The following GPX4 variants were observed in gnomAD, a reference collection of about 807,000 sequenced individuals.
GPX4 encodes phospholipid hydroperoxide glutathione peroxidase GPX4.
Under a neutral mutation model 27.8 loss-of-function variants are expected in GPX4, and 28 were observed. The ratio of observed to expected loss-of-function variants is 1.01; its 90% CI spans 0.75 to 1.38. The LOEUF is 1.38. GPX4 is among the 40% of genes most tolerant of loss of function. The pLI is 0.00. For missense variants in GPX4, 357 were observed against 274.1 expected, an observed-to-expected ratio of 1.30 and a Z score of -2.14; for synonymous variants, 163 against 107.8, an observed-to-expected ratio of 1.51 and a Z score of -3.17.
chr19:1,106,432 G>C lies in GPX4; in HGVS notation c.534G>C (p.Lys178Asn), dbSNP rs1382186292. 6.2e-7 allele frequency: 1 copy of C among 1,613,502 alleles called. No individual in the cohort carries two copies. Among genetic ancestry groups the C allele is most frequent in the Non-Finnish European group, 8.5e-7 (1 of 1,179,948 alleles). The change falls in exon 6 of 7, where the codon AAG becomes AAC. Residue 178 changes from lysine to asparagine, a missense_variant. Coordinates refer to ENST00000354171, the MANE Select transcript of GPX4 (RefSeq NM_002085.5). ...TCGACAAGAACGGCTGCGTGGTGAA[G>C]CGCTACGGACCCATGGAGGAGCCCC... Reference protein sequence around the residue: ...FLIDKNGCVVKRYGPMEEPLV... With the variant: ...FLIDKNGCVVNRYGPMEEPLV...
Position 1,106,284 on chromosome 19 carries a change from G to A in GPX4, c.501+18G>A. Reference sequence around the variant, plus strand: ...TCACCAAGGTAAGGGGGCTGTGGGGGGTAGGGGACCAGCTTCCCCTGGCCA... The same window carrying A: ...TCACCAAGGTAAGGGGGCTGTGGGGAGTAGGGGACCAGCTTCCCCTGGCCA... On this transcript the variant is annotated intron_variant, in intron 5 of 6. Coordinates refer to ENST00000354171, the MANE Select transcript of GPX4 (RefSeq NM_002085.5). 1.9e-6 allele frequency: 3 copies of A among 1,604,840 alleles called. No individual in the cohort carries two copies. Among genetic ancestry groups the A allele is most frequent in the Non-Finnish European group, 1.7e-6 (2 of 1,173,022 alleles).
chr19:1,104,926 C>T lies in GPX4; in HGVS notation c.85-260C>T, dbSNP rs758436183. 19 of 1,451,898 alleles carry T rather than the reference C, an allele frequency of 1.3e-5. No individual in the cohort carries two copies. In the African/African-American group the frequency reaches 2.1e-4, roughly 16 times the overall value. The allele number at this position is 1,451,898 out of a possible 1,614,324, so 89.9% of individuals were successfully genotyped here. On this transcript the variant is annotated intron_variant, in intron 1 of 6. Transcript: ENST00000354171. Reference sequence around the variant, plus strand: ...TCCACGAATGTCCCAAGTCCCAGGACCCGGTGCGCGCGGGGCCCCCACACC... The same window carrying T: ...TCCACGAATGTCCCAAGTCCCAGGATCCGGTGCGCGCGGGGCCCCCACACC...
intron 5 of GPX4, 66 bp downstream of exon 5, chr19:1,106,332 C>T (rs780647717): frequency 2.8e-5 from 45 of 1,607,306 alleles, no homozygotes; most frequent in Middle Eastern, 1.6e-4. Context: ...AGATGGGCAG[C>T]GGACAGGAAG....
At chr19:1,106,165 G>A in intron 4 of GPX4, 77 bp from the exon 5 acceptor site, 1 of 1,375,518 alleles carries the variant, frequency 7.3e-7, no homozygotes, top group Non-Finnish European at 1.0e-6. Context: ...ACACCCTTGT[G>A]GCCTCCTGGA....
chr19:1,106,231 T>G lies in GPX4; in HGVS notation c.477-11T>G. The G allele has an allele frequency of 1.2e-6, 2 of 1,604,590 alleles. No individual in the cohort carries two copies. The highest frequency in any genetic ancestry group is 1.7e-6 in the Non-Finnish European group (2 of 1,174,806). On this transcript the variant is annotated splice_polypyrimidine_tract_variant and intron_variant, in intron 4 of 6. Transcript: ENST00000354171. The stretch of plus-strand genomic sequence containing the variant: ...GCTGGGGACGCTCACGTCCATGTGC[T>G]TCTTTTCCAGTGCCATCAAGTGGAA...
At chr19:1,105,116 C>T in intron 1 of GPX4, 70 bp from the exon 2 acceptor site, 1 of 1,573,888 alleles carries the variant, frequency 6.4e-7, no homozygotes, top group Non-Finnish European at 8.7e-7. Flanking sequence ...GCTCCCGATC[C>T]CTTCCTGCCT....
chr19:1,104,093 G>A lies in GPX4; in HGVS notation c.50G>A (p.Gly17Glu), dbSNP rs1428113746. The A allele has an allele frequency of 1.3e-6, 2 of 1,512,334 alleles. No homozygotes were observed. Among genetic ancestry groups the A allele is most frequent in the East Asian group, 2.7e-5 (1 of 37,482 alleles). The allele number at this position is 1,512,334 out of a possible 1,614,324, so 93.7% of individuals were successfully genotyped here. Reference sequence around the variant, plus strand: ...CTACTGAAGCCGGCGCTGCTCTGTGGGGCTCTGGCCGCGCCTGGCCTGGCC... The same window carrying A: ...CTACTGAAGCCGGCGCTGCTCTGTGAGGCTCTGGCCGCGCCTGGCCTGGCC... ...CRLLKPALLCGALAAPGLAGT... is the reference protein window; with the variant it reads ...CRLLKPALLCEALAAPGLAGT... The change falls in exon 1 of 7, where the codon GGG becomes GAG. Residue 17 changes from glycine (G) to glutamate (E), a missense_variant. Gly to Glu is a moderately conservative substitution (Grantham distance 98). Transcript: ENST00000354171.
chr19:1,106,572 G>A lies in GPX4; in HGVS notation c.594G>A (p.Ter198=). 1 of 1,613,468 alleles carries A rather than the reference G, an allele frequency of 6.2e-7. No individual in the cohort carries two copies. Among genetic ancestry groups the A allele is most frequent in the Non-Finnish European group, 8.5e-7 (1 of 1,179,890 alleles). Residue 198 remains the stop codon, a stop_retained_variant, in exon 7 of 7, where the codon TAG becomes TAA. Coordinates refer to ENST00000354171, the MANE Select transcript of GPX4 (RefSeq NM_002085.5). ...VIEKDLPHYF[*] ...AGAAGGACCTGCCCCACTATTTCTA[G>A]CTCCACAAGTGTGTGGCCCCGCCCG... is the stretch of plus-strand genomic sequence containing the variant.
Position 1,105,443 on chromosome 19 carries a change from T to G in GPX4, c.257T>G (p.Leu86Arg). The G allele has an allele frequency of 6.2e-7, 1 of 1,612,560 alleles. No individual in the cohort carries two copies. Among genetic ancestry groups the G allele is most frequent in the Non-Finnish European group, 8.5e-7 (1 of 1,179,746 alleles). ...TEVNYTQLVD[L>R]HARYAECGLR... ...GTAAACTACACTCAGCTCGTCGACC[T>G]GCACGCCCGATACGCTGAGTGTGGT... Residue 86 changes from leucine (L) to arginine (R), a missense_variant, in exon 3 of 7, where the codon CTG becomes CGG. Physicochemically the swap from Leu to Arg is moderately radical, Grantham distance 102. Transcript: ENST00000354171.
At position 1,104,106 on chromosome 19, in the gene GPX4, G is replaced by C; in HGVS notation, c.63G>C (p.Ala21=). ...KPALLCGALA[A]PGLAGTMCAS... ...CGCTGCTCTGTGGGGCTCTGGCCGC[G>C]CCTGGCCTGGCCGGGACCATGGTGA... is the stretch of plus-strand genomic sequence containing the variant. Residue 21 remains alanine, a synonymous_variant, in exon 1 of 7, where the codon GCG becomes GCC. Coordinates refer to ENST00000354171, the MANE Select transcript of GPX4 (RefSeq NM_002085.5). 3 of 1,504,260 alleles carry C rather than the reference G, an allele frequency of 2.0e-6. No individual in the cohort carries two copies. Among genetic ancestry groups the C allele is most frequent in the Non-Finnish European group, 2.6e-6 (3 of 1,133,602 alleles). 93.2% of individuals were successfully genotyped at this position (1,504,260 alleles called of 1,614,324 possible). A position where few individuals can be genotyped will look rare whatever the true frequency, so the allele number is the denominator to read the frequency against.
chr19:1,105,989 G>A, intron 4 of GPX4, 180 bp downstream of exon 4: 1 of 807,436 alleles, frequency 1.2e-6, no homozygotes, highest in Non-Finnish European at 1.9e-6. Context: ...ATAGAGGGCT[G>A]TGGAGGCAGC....
chr19:1,106,280 G>T lies in GPX4; in HGVS notation c.501+14G>T. On this transcript the variant is annotated intron_variant, in intron 5 of 6. Coordinates refer to ENST00000354171, the MANE Select transcript of GPX4 (RefSeq NM_002085.5). Reference sequence around the variant, plus strand: ...AACTTCACCAAGGTAAGGGGGCTGTGGGGGGTAGGGGACCAGCTTCCCCTG... The same window carrying T: ...AACTTCACCAAGGTAAGGGGGCTGTTGGGGGTAGGGGACCAGCTTCCCCTG... The T allele has an allele frequency of 6.2e-7, 1 of 1,604,116 alleles. No individual in the cohort carries two copies. The highest frequency in any genetic ancestry group is 8.5e-7 in the Non-Finnish European group (1 of 1,172,692).
At chr19:1,105,023 G>C (rs1182143202) in intron 1 of GPX4, 163 bp from the exon 2 acceptor site, 31 of 1,466,638 alleles carry the variant, frequency 2.1e-5, no homozygotes, top group Non-Finnish European at 2.8e-5. Flanking sequence ...CGGACCAGAA[G>C]TACAAGGGGG....
chr19:1,105,581 G>T, intron 3 of GPX4, 71 bp downstream of exon 3: 1 of 1,600,774 alleles, frequency 6.2e-7, no homozygotes. Flanking sequence ...AGCCTGGAGA[G>T]GGCCTGGGAG....
chr19:1,104,053 G>C lies in GPX4; in HGVS notation c.10G>C (p.Gly4Arg), dbSNP rs772251077. 1.3e-5 allele frequency: 20 copies of C among 1,519,608 alleles called. No individual in the cohort carries two copies. The African/African-American group carries it at 1.7e-4, about 13-fold the overall frequency. 94.1% of individuals were successfully genotyped at this position (1,519,608 alleles called of 1,614,324 possible). A position where few individuals can be genotyped will look rare whatever the true frequency, so the allele number is the denominator to read the frequency against. Residue 4 changes from glycine to arginine, a missense_variant, in exon 1 of 7, where the codon GGC becomes CGC. Transcript: ENST00000354171. The stretch of plus-strand genomic sequence containing the variant: ...TCCCAGCCCCGCCGCGATGAGCCTC[G>C]GCCGCCTTTGCCGCCTACTGAAGCC... MSL[G>R]RLCRLLKPAL... is the part of the protein sequence containing the mutation.
Position 1,104,053 on chromosome 19 carries a change from G to A in GPX4, c.10G>A (p.Gly4Ser), listed in dbSNP as rs772251077. 2 of 1,519,726 alleles carry A rather than the reference G, an allele frequency of 1.3e-6. No individual in the cohort carries two copies. Among genetic ancestry groups the A allele is most frequent in the South Asian group, 1.2e-5 (1 of 82,414 alleles). The allele number at this position is 1,519,726 out of a possible 1,614,324, so 94.1% of individuals were successfully genotyped here. A position where few individuals can be genotyped will look rare whatever the true frequency, so the allele number is the denominator to read the frequency against. MSL[G>S]RLCRLLKPAL... ...TCCCAGCCCCGCCGCGATGAGCCTC[G>A]GCCGCCTTTGCCGCCTACTGAAGCC... is the stretch of plus-strand genomic sequence containing the variant. Residue 4 changes from glycine to serine, a missense_variant, in exon 1 of 7, where the codon GGC (glycine) becomes AGC (serine). Coordinates refer to ENST00000354171, the MANE Select transcript of GPX4 (RefSeq NM_002085.5).
intron 1 of GPX4, 141 bp downstream of exon 1, chr19:1,104,268 C>A (rs2079622408): frequency 1.3e-6 from 1 of 746,730 alleles, no homozygotes; most frequent in Non-Finnish European, 2.0e-6. Context: ...CTCCCCACCC[C>A]CGGCCGGGCA....
rs531452768 is a variant in GPX4 at position 1,104,366 on chromosome 19, T to C, written c.84+239T>C. ...GCTGGGGTCGGGGAAGGGGAAGGGG[T>C]TGTTCCACGCGCGCGGGTCGTGGTC... On this transcript the variant is annotated intron_variant, in intron 1 of 6. Transcript: ENST00000354171. The C allele has an allele frequency of 6.2e-3, 2,854 of 457,830 alleles. 79 individuals carry two copies. Among genetic ancestry groups the C allele is most frequent in the African/African-American group, 0.051 (2,453 of 48,182 alleles). The allele number at this position is 457,830 out of a possible 1,614,324, so 28.4% of individuals were successfully genotyped here. A position where few individuals can be genotyped will look rare whatever the true frequency, so the allele number is the denominator to read the frequency against.
In GPX4 at chr19:1,105,457, G is replaced by C. The variant is rs536607574; in HGVS notation, c.271G>C (p.Ala91Pro). Residue 91 changes from alanine to proline, a missense_variant, in exon 3 of 7, where the codon GCT (alanine) becomes CCT (proline). Coordinates refer to ENST00000354171, the MANE Select transcript of GPX4 (RefSeq NM_002085.5). ...TQLVDLHARY[A>P]ECGLRILAFP... The stretch of plus-strand genomic sequence containing the variant: ...GCTCGTCGACCTGCACGCCCGATAC[G>C]CTGAGTGTGGTTTGCGGATCCTGGC... 2.5e-6 allele frequency: 4 copies of C among 1,612,784 alleles called. No individual in the cohort carries two copies. The highest frequency in any genetic ancestry group is 3.4e-6 in the Non-Finnish European group (4 of 1,179,862).
Sources: allele counts gnomAD v4.1 joint callset, GRCh38; gene constraint gnomAD v4.1.1; transcripts MANE v1.5; gene names NCBI Gene and HGNC (gene_info 2026-07-23, HGNC 2026-07-21).